Variants in EHBP1 observed in about 807,000 individuals in gnomAD.
EHBP1 encodes EH domain binding protein 1.
A neutral mutation model predicts 144.0 loss-of-function variants in EHBP1; 55 were observed. The ratio of observed to expected loss-of-function variants is 0.38; its 90% CI spans 0.31 to 0.48. The LOEUF (loss-of-function observed/expected upper bound fraction) is 0.48. EHBP1 is among the 20% of genes least tolerant of loss of function. The probability of loss-of-function intolerance (pLI) is 0.98; values close to 1 mark genes in which losing one functional copy is unlikely to be tolerated. For synonymous variants in EHBP1, 469 were observed against 472.7 expected (o/e 0.99, Z 0.10); for missense variants, 1,200 against 1,364.2 (o/e 0.88, Z 1.90).
At position 63,045,176 on chromosome 2, in the gene EHBP1, A is replaced by G; in HGVS notation, c.3388A>G (p.Lys1130Glu). 6.3e-7 allele frequency: 1 copy of G among 1,583,534 alleles called. No individual in the cohort carries two copies. Among genetic ancestry groups the G allele is most frequent in the Non-Finnish European group, 8.6e-7 (1 of 1,163,960 alleles). ...ALVRDLDAQEKQAEEEDEHLE... is the reference protein window; with the variant it reads ...ALVRDLDAQEEQAEEEDEHLE... The stretch of plus-strand genomic sequence containing the variant: ...CGTCAGGGACCTGGACGCGCAGGAG[A>G]AGCAGTGAGTGGGCAGTGGGGTCGG... The change falls in exon 22 of 23, where the codon AAG (lysine) becomes GAG (glutamate). Residue 1130 changes from lysine to glutamate, a missense_variant. Physicochemically the swap from Lys to Glu is moderately conservative, Grantham distance 56 (BLOSUM62 1). Around this residue, in one of 6 missense-constraint regions of EHBP1, gnomAD observed 149 missense variants for 217.0 expected, o/e 0.69. Transcript: ENST00000431489. The surrounding 1 kb of genome is among the most constrained non-coding windows in gnomAD (Gnocchi z 5.7).
rs768323831 is a variant in EHBP1 at position 62,681,340 on chromosome 2, G to GTATATATA, written c.-296+7270_-296+7277dup. ...TATATATTTGTATGTATGTGTGTGT[G>GTATATATA]TATATATATATATATATATAATGTG... On this transcript the variant is annotated intron_variant, in intron 1 of 22. Coordinates refer to the EHBP1 transcript ENST00000405015. 6.8e-3 allele frequency among the ~76,000 whole-genome samples: 399 copies of GTATATATA among 58,544 alleles called. 44 individuals carry two copies. The highest frequency in any genetic ancestry group is 8.8e-3 in the Middle Eastern group (1 of 114). 38.4% of individuals were successfully genotyped at this position (58,544 alleles called of 152,430 possible). A position where few individuals can be genotyped will look rare whatever the true frequency, so the allele number is the denominator to read the frequency against.
intron 2 of EHBP1, among the ~76,000 whole-genome samples, chr2:62,724,614 A>G (rs1028093948): frequency 4.0e-5 from 6 of 148,574 alleles, no homozygotes; most frequent in Admixed American, 1.3e-4. Flanking sequence ...TGTTTCTTCA[A>G]TCTTTGAAGT....
At chr2:62,877,825 T>G (rs1174770866) in intron 10 of EHBP1, among the ~76,000 whole-genome samples, 1 of 152,158 alleles carries the variant, frequency 6.6e-6, no homozygotes, top group Non-Finnish European at 1.5e-5. Context: ...GGGACACAGC[T>G]AAAGCAGTAT....
At chr2:62,773,790 G>A (rs1346513360) in intron 5 of EHBP1, among the ~76,000 whole-genome samples, 1 of 138,238 alleles carries the variant, frequency 7.2e-6, no homozygotes, top group Non-Finnish European at 1.5e-5. Context: ...GATGGAGGTT[G>A]CAGTGAGCCG....
At position 62,833,235 on chromosome 2, in the gene EHBP1, A is replaced by G. The variant is rs141079489; in HGVS notation, c.634+2077A>G. 4.9e-4 allele frequency among the ~76,000 whole-genome samples: 75 copies of G among 152,350 alleles called. 1 individual carries two copies. The highest frequency in any genetic ancestry group is 1.6e-3 in the African/African-American group (66 of 41,588). On this transcript the variant is annotated intron_variant, in intron 7 of 22. Coordinates refer to ENST00000431489, the MANE Select transcript of EHBP1 (RefSeq NM_001142616.3). ...CAGAAGAAAAGTTTGAAGCTAGCAG[A>G]GGTTGGTTCATAAGGTTTAAGGAAA...
At chr2:62,774,944 T>C (rs142142313) in intron 5 of EHBP1, among the ~76,000 whole-genome samples, 1 of 152,184 alleles carries the variant, frequency 6.6e-6, no homozygotes, top group African/African-American at 2.4e-5. Flanking sequence ...GGATAAAAAT[T>C]ACTGTATGAA....
chr2:62,763,158 A>G (rs944848073), intron 3 of EHBP1, among the ~76,000 whole-genome samples: 2 of 151,830 alleles, frequency 1.3e-5, no homozygotes, highest in Admixed American at 6.6e-5. Context: ...CTTCTCAATG[A>G]AGTCTTCTCT....
intron 10 of EHBP1, among the ~76,000 whole-genome samples, chr2:62,898,894 A>T (rs1241638091): frequency 6.6e-6 from 1 of 152,156 alleles, no homozygotes. Flanking sequence ...TTGGTTTTAG[A>T]TAGACTAAGT....
At chr2:62,759,437 G>A (rs531453923) in intron 3 of EHBP1, among the ~76,000 whole-genome samples, 5 of 152,038 alleles carry the variant, frequency 3.3e-5, no homozygotes, top group African/African-American at 9.6e-5. Context: ...ATGGAGTCTC[G>A]CTCTGTCATC....
chr2:62,762,713 C>T (rs143279719), intron 3 of EHBP1, among the ~76,000 whole-genome samples: 119 of 152,290 alleles, frequency 7.8e-4, no homozygotes, highest in African/African-American at 2.8e-3. Flanking sequence ...CACTTTTCTA[C>T]CACCCCAAGC....
chr2:62,749,149 A>C lies in EHBP1; in HGVS notation c.162+1697A>C, dbSNP rs1405795226. On this transcript the variant is annotated intron_variant, in intron 3 of 22. Coordinates refer to ENST00000431489, the MANE Select transcript of EHBP1 (RefSeq NM_001142616.3). ...TCCCTTCCCCATCCCCCCACCCCAC[A>C]ACAGGCCCCCTGTGTGTGATGTTCC... Among the ~76,000 whole-genome samples the C allele has an allele frequency of 1.1e-4, 16 of 150,488 alleles. No homozygotes were observed. In the East Asian group the frequency reaches 2.5e-3, roughly 24 times the overall value.
At chr2:62,885,947 G>A (rs750088093) in intron 10 of EHBP1, among the ~76,000 whole-genome samples, 3 of 152,104 alleles carry the variant, frequency 2.0e-5, no homozygotes, top group Non-Finnish European at 4.4e-5. Context: ...TCATATTGTT[G>A]CTTCTTTCTA....
chr2:62,758,619 A>G (rs1235255786), intron 3 of EHBP1, among the ~76,000 whole-genome samples: 1 of 152,232 alleles, frequency 6.6e-6, no homozygotes, highest in Non-Finnish European at 1.5e-5. Flanking sequence ...AAATTATGGC[A>G]GAGTAGTTAT....
At chr2:62,804,269 T>C (rs1157087824) in intron 5 of EHBP1, among the ~76,000 whole-genome samples, 2 of 152,090 alleles carry the variant, frequency 1.3e-5, no homozygotes, top group Non-Finnish European at 1.5e-5. Flanking sequence ...AGTTTGAACT[T>C]GATTGTGGAA....
chr2:62,832,793 G>A (rs1309695880), intron 7 of EHBP1, among the ~76,000 whole-genome samples: 2 of 152,054 alleles, frequency 1.3e-5, no homozygotes, highest in Admixed American at 6.5e-5. Flanking sequence ...CGTTCCCTGG[G>A]ACATAACAAT....
intron 10 of EHBP1, among the ~76,000 whole-genome samples, chr2:62,885,024 A>G (rs1182840836): frequency 6.6e-6 from 1 of 152,236 alleles, no homozygotes; most frequent in African/African-American, 2.4e-5. Flanking sequence ...AACCTTTTGG[A>G]TAAAAAACGG....
upstream of EHBP1, among the ~76,000 whole-genome samples, chr2:62,704,968 G>T (rs141766327): frequency 2.1e-4 from 32 of 152,244 alleles, no homozygotes; most frequent in African/African-American, 7.7e-4. Context: ...GTCCGACAGC[G>T]AAGAGGAAAC....
intron 3 of EHBP1, among the ~76,000 whole-genome samples, chr2:62,750,465 A>C (rs1439458838): frequency 6.6e-6 from 1 of 152,098 alleles, no homozygotes; most frequent in Non-Finnish European, 1.5e-5. Flanking sequence ...TTGGCAATGC[A>C]GGCTCTTTTT....
chr2:63,010,824 T>A (rs1023086863), intron 19 of EHBP1, among the ~76,000 whole-genome samples: 3 of 151,728 alleles, frequency 2.0e-5, no homozygotes, highest in Admixed American at 1.3e-4. Context: ...CTTAGTAGGA[T>A]TATTAACCTA....
Sources: allele counts gnomAD v4.1 joint callset (sites outside exome capture counted in the v4.1 genomes callset), GRCh38; gene constraint gnomAD v4.1.1; regional missense constraint gnomAD v4.1.1; non-coding constraint Gnocchi (gnomAD v3.1); transcripts MANE v1.5; gene names NCBI Gene and HGNC (gene_info 2026-07-23, HGNC 2026-07-21).